The following EXTL3 variants were observed in gnomAD, a reference collection of about 807,000 sequenced individuals.
EXTL3 encodes the protein exostosin like glycosyltransferase 3.
A neutral mutation model predicts 69.3 loss-of-function variants in EXTL3; 27 were observed. The observed-to-expected ratio is 0.39, with a 90% CI of 0.29 to 0.54. The LOEUF (loss-of-function observed/expected upper bound fraction) is 0.54, where lower values mean the gene tolerates loss of function less well. Ranked by LOEUF, EXTL3 falls within the 20% of genes least tolerant of loss-of-function variation. The pLI is 0.69. For missense variants in EXTL3, 1,003 were observed against 1,231.8 expected (o/e 0.81, Z 2.78); for synonymous variants, 511 against 499.4 (o/e 1.02, Z -0.31).
intron 3 of EXTL3, among the ~76,000 whole-genome samples, chr8:28,720,705 G>A (rs1370648190): frequency 6.6e-6 from 1 of 152,148 alleles, no homozygotes; most frequent in Non-Finnish European, 1.5e-5. Flanking sequence ...AGAGAGATGG[G>A]AGAAGTGCCA....
intron 4 of EXTL3, among the ~76,000 whole-genome samples, chr8:28,733,639 C>T (rs570296424): frequency 1.3e-5 from 2 of 151,388 alleles, no homozygotes; most frequent in South Asian, 2.1e-4. Context: ...TCGAGCAAGC[C>T]TCCCAAGTGC....
intron 6 of EXTL3, among the ~76,000 whole-genome samples, chr8:28,744,747 C>T (rs1463035619): frequency 7.3e-5 from 11 of 151,382 alleles, no homozygotes; most frequent in Admixed American, 4.0e-4. Flanking sequence ...AAGCCAAGAT[C>T]GCGCCACTGC....
rs537721750 is a variant in EXTL3, at chr8:28,701,617, A to AGGCGGCGGCGGCGGC, written c.-603_-589dup. On this transcript the variant is annotated 5_prime_UTR_variant, in exon 1 of 7. Coordinates refer to ENST00000220562, the MANE Select transcript of EXTL3 (RefSeq NM_001440.4). The stretch of plus-strand genomic sequence containing the variant: ...GCTTCTGGGACGCCGACTTTCGCGC[A>AGGCGGCGGCGGCGGC]GGCGGCGGCGGCGGCGGCGGCGGGT... The AGGCGGCGGCGGCGGC allele has an allele frequency of 5.0e-4, 81 of 161,728 alleles. 2 individuals are homozygous for AGGCGGCGGCGGCGGC. Among genetic ancestry groups the AGGCGGCGGCGGCGGC allele is most frequent in the African/African-American group, 1.9e-3 (77 of 41,486 alleles). The allele number at this position is 161,728 out of a possible 1,614,324, so 10.0% of individuals were successfully genotyped here.
intron 1 of EXTL3, among the ~76,000 whole-genome samples, chr8:28,695,580 T>C (rs1800673393): frequency 6.6e-6 from 1 of 152,354 alleles, no homozygotes; most frequent in Admixed American, 6.5e-5. Flanking sequence ...GCAGACCAGC[T>C]TTCTGAGCTT....
intron 1 of EXTL3, among the ~76,000 whole-genome samples, chr8:28,671,822 C>A (rs1263763143): frequency 6.6e-6 from 1 of 152,180 alleles, no homozygotes; most frequent in Non-Finnish European, 1.5e-5. Flanking sequence ...GGCATGATTT[C>A]TTTATCGTAC....
intron 3 of EXTL3, among the ~76,000 whole-genome samples, chr8:28,718,725 G>A (rs1185866458): frequency 6.6e-6 from 1 of 152,126 alleles, no homozygotes; most frequent in African/African-American, 2.4e-5. Context: ...CCTCCCAAAG[G>A]GTTTAGGAAG....
Position 28,750,768 on chromosome 8 carries a change from G to A in EXTL3, c.2662G>A (p.Gly888Ser), listed in dbSNP as rs1222684554. The change falls in exon 7 of 7, where the codon GGC (glycine) becomes AGC (serine). Residue 888 changes from glycine (G) to serine (S), a missense_variant. Physicochemically the swap from Gly to Ser is moderately conservative, Grantham distance 56 (BLOSUM62 0). Coordinates refer to ENST00000220562, the MANE Select transcript of EXTL3 (RefSeq NM_001440.4). This position sits in a 1 kb window ranked among gnomAD's most constrained non-coding sequence, Gnocchi z 5.2. The part of the protein sequence containing the change: ...KCINFFVKVY[G>S]YMPLLYTQFR... ...CATCAACTTCTTCGTGAAGGTGTACGGCTACATGCCCCTCCTGTACACGCA... is the reference window on the plus strand; with the variant it reads ...CATCAACTTCTTCGTGAAGGTGTACAGCTACATGCCCCTCCTGTACACGCA... 8 of 1,614,048 alleles carry A rather than the reference G, an allele frequency of 5.0e-6. No individual in the cohort carries two copies. The highest frequency in any genetic ancestry group is 6.8e-6 in the Non-Finnish European group (8 of 1,180,034).
intron 3 of EXTL3, chr8:28,730,256 G>A (rs974141941): frequency 2.6e-5 from 4 of 152,136 alleles, no homozygotes; most frequent in African/African-American, 7.2e-5. Context: ...ATAGTCTGTT[G>A]GAAGTAAGGT....
chr8:28,736,340 A>G (rs1220913646), intron 4 of EXTL3, among the ~76,000 whole-genome samples: 2 of 152,180 alleles, frequency 1.3e-5, no homozygotes, highest in Non-Finnish European at 2.9e-5. Context: ...GTTCCATGTA[A>G]GTGATGAGGG....
chr8:28,703,883 A>G (rs1162836929), intron 1 of EXTL3, among the ~76,000 whole-genome samples: 2 of 152,168 alleles, frequency 1.3e-5, no homozygotes, highest in Non-Finnish European at 2.9e-5. Flanking sequence ...TATCATTTCG[A>G]AGACTTTCAA....
At chr8:28,641,727 G>A (rs952086684) in intron 1 of EXTL3, among the ~76,000 whole-genome samples, 11 of 146,530 alleles carry the variant, frequency 7.5e-5, no homozygotes, top group African/African-American at 2.5e-4. Context: ...CCCCCTCCCC[G>A]ACCCCCTCCG....
At chr8:28,708,877 C>A (rs573177189) in intron 1 of EXTL3, among the ~76,000 whole-genome samples, 1 of 152,306 alleles carries the variant, frequency 6.6e-6, no homozygotes, top group South Asian at 2.1e-4. Flanking sequence ...ATCTTTTGTT[C>A]TGAGTCTGCT....
At chr8:28,619,685 G>T (rs1006288355), upstream of EXTL3, among the ~76,000 whole-genome samples, 6 of 151,902 alleles carry the variant, frequency 3.9e-5, no homozygotes, top group South Asian at 1.0e-3. Flanking sequence ...AGTCACCTGG[G>T]CCCCAGCTCC....
chr8:28,640,923 C>T (rs1428532080), intron 1 of EXTL3, among the ~76,000 whole-genome samples: 1 of 152,034 alleles, frequency 6.6e-6, no homozygotes, highest in East Asian at 1.9e-4. Context: ...TTTTAACAGA[C>T]TAGTGTAGTA....
At chr8:28,663,562 C>T (rs1331854375) in intron 1 of EXTL3, among the ~76,000 whole-genome samples, 1 of 152,114 alleles carries the variant, frequency 6.6e-6, no homozygotes, top group East Asian at 1.9e-4. Flanking sequence ...AGCAATTCTC[C>T]TGTCTCAGCC....
upstream of EXTL3, among the ~76,000 whole-genome samples, chr8:28,620,254 C>G (rs1285898690): frequency 6.6e-6 from 1 of 152,098 alleles, no homozygotes; most frequent in Non-Finnish European, 1.5e-5. Flanking sequence ...TCTCTGAGAT[C>G]TGCTAGGTCC....
At chr8:28,661,682 C>T (rs904616756) in intron 1 of EXTL3, among the ~76,000 whole-genome samples, 1 of 151,604 alleles carries the variant, frequency 6.6e-6, no homozygotes, top group African/African-American at 2.4e-5. Context: ...GAGTTCCAGA[C>T]CAGCCTGGCC....
At chr8:28,733,088 C>T (rs1279961538) in intron 4 of EXTL3, among the ~76,000 whole-genome samples, 1 of 152,102 alleles carries the variant, frequency 6.6e-6, no homozygotes, top group African/African-American at 2.4e-5. Flanking sequence ...ATTTCTATTT[C>T]TTGGCTATTA....
chr8:28,671,736 T>C (rs1807298051), intron 1 of EXTL3, among the ~76,000 whole-genome samples: 1 of 152,182 alleles, frequency 6.6e-6, no homozygotes, highest in African/African-American at 2.4e-5. Flanking sequence ...AGGATAAAGG[T>C]AGGAGTTACT....
Sources: gnomAD v4.1 joint callset for allele counts (sites outside exome capture counted in the v4.1 genomes callset) on GRCh38, gnomAD v4.1.1 for gene constraint, Gnocchi (gnomAD v3.1) non-coding constraint, MANE v1.5 for transcripts, NCBI Gene and HGNC (gene_info 2026-07-23, HGNC 2026-07-21) for gene names.